CNTN4: variants seen among roughly 807,000 people sequenced by gnomAD.
The protein encoded by CNTN4 is contactin 4.
CNTN4 carries 77 observed loss-of-function variants against 122.5 expected under a neutral mutation model. That is an observed-to-expected ratio of 0.63 (90% CI 0.52 to 0.76). CNTN4 has a LOEUF of 0.76. Ranked by LOEUF, CNTN4 falls within the 30% of genes least tolerant of loss-of-function variation. CNTN4 has a pLI of 0.00. For synonymous variants in CNTN4, 512 were observed against 447.0 expected (o/e 1.15, Z -1.83); for missense variants, 1,256 against 1,259.1 (o/e 1.00, Z 0.04).
chr3:2,915,015 A>C (rs1372541905), intron 12 of CNTN4, among the ~76,000 whole-genome samples: 1 of 152,250 alleles, frequency 6.6e-6, no homozygotes, highest in Non-Finnish European at 1.5e-5. Flanking sequence ...GAAGGACCAG[A>C]ACCACGTGAT....
At chr3:2,158,289 C>G (rs2035807258) in intron 2 of CNTN4, among the ~76,000 whole-genome samples, 1 of 152,156 alleles carries the variant, frequency 6.6e-6, no homozygotes, top group African/African-American at 2.4e-5. Flanking sequence ...TAAAAGTCTA[C>G]CATCCCTCAT....
intron 6 of CNTN4, among the ~76,000 whole-genome samples, chr3:2,811,127 C>T (rs116198050): frequency 0.014 from 2,203 of 152,026 alleles, 64 homozygotes; most frequent in African/African-American, 0.05. Context: ...ATTTTGGTCC[C>T]GGCCAGGTGC....
chr3:2,910,674 C>A (rs560317192), intron 12 of CNTN4, among the ~76,000 whole-genome samples: 1 of 152,058 alleles, frequency 6.6e-6, no homozygotes, highest in African/African-American at 2.4e-5. Context: ...CATTATCTAC[C>A]CCAAGTTCTT....
intron 6 of CNTN4, among the ~76,000 whole-genome samples, chr3:2,763,568 C>T (rs560439639): frequency 6.6e-6 from 1 of 152,204 alleles, no homozygotes; most frequent in Admixed American, 6.5e-5. Flanking sequence ...GTGCCTATGT[C>T]CTGAATGGTA....
intron 7 of CNTN4, among the ~76,000 whole-genome samples, chr3:2,862,601 G>T (rs1437521152): frequency 6.6e-6 from 1 of 152,118 alleles, no homozygotes; most frequent in Non-Finnish European, 1.5e-5. Flanking sequence ...TTGCCAATGG[G>T]ACAGAAACTG....
chr3:2,484,542 A>T (rs1367298202), intron 3 of CNTN4, among the ~76,000 whole-genome samples: 2 of 152,160 alleles, frequency 1.3e-5, no homozygotes, highest in South Asian at 4.1e-4. Context: ...ACTGGCTCCT[A>T]TAGGGGATGA....
chr3:2,763,022 A>G (rs1415521977), intron 6 of CNTN4, among the ~76,000 whole-genome samples: 12 of 148,680 alleles, frequency 8.1e-5, no homozygotes, highest in Non-Finnish European at 1.5e-4. Context: ...GCTCTCCACA[A>G]GCTCCGCCTC....
intron 4 of CNTN4, among the ~76,000 whole-genome samples, chr3:2,585,402 C>G (rs974217087): frequency 6.6e-6 from 1 of 151,562 alleles, no homozygotes; most frequent in Non-Finnish European, 1.5e-5. Context: ...ATGTTTATTG[C>G]GGCACTATTC....
intron 13 of CNTN4, among the ~76,000 whole-genome samples, chr3:2,954,064 AT>A (rs748490464): frequency 6.6e-6 from 1 of 152,232 alleles, no homozygotes; most frequent in East Asian, 1.9e-4. Flanking sequence ...CTTTTCTAAA[AT>A]ATGCATAATC....
Position 2,389,703 on chromosome 3 carries a change from C to T in CNTN4, c.-89+50470C>T, listed in dbSNP as rs576973376. Among the ~76,000 whole-genome samples, 3 of 152,246 alleles carry T rather than the reference C, an allele frequency of 2.0e-5. No homozygotes were observed. The East Asian group carries it at 5.8e-4, about 29-fold the overall frequency. The stretch of plus-strand genomic sequence containing the variant: ...TCCCCATTGCCTAGAAAGGGAAGAA[C>T]AGGAACTTTACAGTGAAGAAAAGGA... On this transcript the variant is annotated intron_variant, in intron 3 of 24. Transcript: ENST00000418658.
intron 2 of CNTN4, among the ~76,000 whole-genome samples, chr3:2,281,164 C>G (rs1332957219): frequency 6.6e-6 from 1 of 152,162 alleles, no homozygotes; most frequent in African/African-American, 2.4e-5. Flanking sequence ...TTTGTGATTA[C>G]CAGATATACC....
At chr3:2,665,872 C>G (rs2084130008) in intron 4 of CNTN4, among the ~76,000 whole-genome samples, 1 of 152,172 alleles carries the variant, frequency 6.6e-6, no homozygotes, top group Non-Finnish European at 1.5e-5. Flanking sequence ...CGTGTGGTAT[C>G]AGTGGAACGG....
At chr3:2,231,359 C>T (rs1028766772) in intron 2 of CNTN4, among the ~76,000 whole-genome samples, 1 of 152,112 alleles carries the variant, frequency 6.6e-6, no homozygotes, top group Non-Finnish European at 1.5e-5. Context: ...AGGAAATTTC[C>T]CTAATCCATC....
intron 6 of CNTN4, among the ~76,000 whole-genome samples, chr3:2,795,694 G>T (rs962949218): frequency 1.3e-5 from 2 of 151,800 alleles, no homozygotes; most frequent in African/African-American, 4.8e-5. Context: ...CTAATTTTTT[G>T]TATTTTTAGT....
chr3:2,529,635 C>T (rs2077524597), intron 3 of CNTN4, among the ~76,000 whole-genome samples: 1 of 152,064 alleles, frequency 6.6e-6, no homozygotes, highest in Admixed American at 6.6e-5. Flanking sequence ...TGAGAGGAGA[C>T]ATTGTTGGTT....
chr3:3,032,166 C>T (rs1453478058), intron 16 of CNTN4, among the ~76,000 whole-genome samples: 2 of 152,068 alleles, frequency 1.3e-5, no homozygotes, highest in Admixed American at 6.6e-5. Context: ...AACTTTCAAC[C>T]GAGGTAGATC....
At chr3:2,167,166 C>A (rs1224289710) in intron 2 of CNTN4, among the ~76,000 whole-genome samples, 1 of 152,008 alleles carries the variant, frequency 6.6e-6, no homozygotes, top group East Asian at 1.9e-4. Context: ...TAAACCAATT[C>A]CATGCTGTTT....
chr3:2,783,167 T>C (rs1205243189), intron 6 of CNTN4, among the ~76,000 whole-genome samples: 1 of 151,898 alleles, frequency 6.6e-6, no homozygotes, highest in Non-Finnish European at 1.5e-5. Context: ...TACATGTCTG[T>C]AGTCCTAGCT....
chr3:2,120,396 T>TATAA, intron 2 of CNTN4, among the ~76,000 whole-genome samples: 1 of 30,962 alleles, frequency 3.2e-5, no homozygotes, highest in Non-Finnish European at 7.4e-5. Flanking sequence ...TATATATATA[T>TATAA]ATATATATAT....
Sources: gnomAD v4.1 joint callset for allele counts (sites outside exome capture counted in the v4.1 genomes callset) on GRCh38, gnomAD v4.1.1 for gene constraint, MANE v1.5 for transcripts, NCBI Gene and HGNC (gene_info 2026-07-23, HGNC 2026-07-21) for gene names.